Variants in POTEJ observed in about 807,000 individuals in gnomAD.
POTEJ encodes POTE ankyrin domain family member J.
POTEJ carries 11 observed loss-of-function variants against 69.0 expected under a neutral mutation model. The observed-to-expected ratio is 0.16, with a 90% CI of 0.10 to 0.26. The LOEUF (loss-of-function observed/expected upper bound fraction) is 0.26, where lower values mean the gene tolerates loss of function less well. POTEJ is among the 10% of genes least tolerant of loss of function. The probability of loss-of-function intolerance (pLI) is 1.00; values close to 1 mark genes in which losing one functional copy is unlikely to be tolerated. For synonymous variants in POTEJ, 117 were observed against 381.1 expected (o/e 0.31, Z 8.07); for missense variants, 327 against 1,045.5 (o/e 0.31, Z 9.48).
chr2:130,641,263 A>G (rs1686361839), intron 10 of POTEJ, among the ~76,000 whole-genome samples: 1 of 152,280 alleles, frequency 6.6e-6, no homozygotes, highest in African/African-American at 2.4e-5. Flanking sequence ...GTAGTCAGCT[A>G]TAGTTTCCAT....
At chr2:130,630,775 T>C (rs1685868042) in intron 7 of POTEJ, among the ~76,000 whole-genome samples, 2 of 146,056 alleles carry the variant, frequency 1.4e-5, no homozygotes. Context: ...TTATCCACTG[T>C]AATTAGTACA....
At chr2:130,639,317 G>A (rs1686244977) in intron 10 of POTEJ, among the ~76,000 whole-genome samples, 1 of 152,310 alleles carries the variant, frequency 6.6e-6, no homozygotes, top group African/African-American at 2.4e-5. Flanking sequence ...GAACAGTGAA[G>A]CACAGGTCAT....
chr2:130,613,384 GTATATATA>G lies in POTEJ; in HGVS notation c.410+1461_410+1468del, dbSNP rs753097212. ...TATACATATATATGTGTGTGTGTGT[GTATATATA>G]TATATATATATATATATACTTTTTT... On this transcript the variant is annotated intron_variant, in intron 1 of 14. Transcript: ENST00000409602. Among the ~76,000 whole-genome samples, 50 of 83,556 alleles carry G rather than the reference GTATATATA, an allele frequency of 6.0e-4. 5 individuals carry two copies. Among genetic ancestry groups the G allele is most frequent in the African/African-American group, 2.2e-3 (48 of 21,800 alleles). The allele number at this position is 83,556 out of a possible 152,430, so 54.8% of individuals were successfully genotyped here. A position where few individuals can be genotyped will look rare whatever the true frequency, so the allele number is the denominator to read the frequency against.
At chr2:130,640,926 G>A (rs1457801469) in intron 10 of POTEJ, among the ~76,000 whole-genome samples, 9 of 152,086 alleles carry the variant, frequency 5.9e-5, no homozygotes, top group Non-Finnish European at 1.0e-4. Flanking sequence ...AGAAATTTGA[G>A]CAGGGGAGTC....
intron 13 of POTEJ, among the ~76,000 whole-genome samples, chr2:130,647,261 G>A (rs1243698880): frequency 1.3e-5 from 2 of 151,220 alleles, no homozygotes; most frequent in Admixed American, 6.6e-5. Context: ...TATCTGCTGT[G>A]TTGCAAATGG....
intron 7 of POTEJ, among the ~76,000 whole-genome samples, 156 bp from the exon 8 acceptor site, chr2:130,631,253 A>G (rs1260141656): frequency 1.4e-5 from 2 of 143,796 alleles, no homozygotes; most frequent in African/African-American, 5.5e-5. Context: ...ATTATTATTT[A>G]TTTAACAGTT....
intron 13 of POTEJ, among the ~76,000 whole-genome samples, chr2:130,650,359 C>T (rs1464662965): frequency 6.6e-6 from 1 of 152,256 alleles, no homozygotes; most frequent in African/African-American, 2.4e-5. Context: ...AGTTTTTCTC[C>T]TCTAACGTAC....
chr2:130,639,028 T>C (rs1686222392), intron 10 of POTEJ, among the ~76,000 whole-genome samples: 1 of 152,280 alleles, frequency 6.6e-6, no homozygotes, highest in Non-Finnish European at 1.5e-5. Flanking sequence ...ATCCCTCAGA[T>C]GGGCAGTTCA....
chr2:130,637,136 T>C (rs1451995920), intron 9 of POTEJ, among the ~76,000 whole-genome samples: 1 of 150,990 alleles, frequency 6.6e-6, no homozygotes, highest in Non-Finnish European at 1.5e-5. Context: ...GCCTGGTAAT[T>C]GTCTGCATTT....
rs564658802 is a variant in POTEJ, at chr2:130,657,506, G to A, written c.2746G>A (p.Glu916Lys). Residue 916 changes from glutamate (E) to lysine (K), a missense_variant, in exon 15 of 15, where the codon GAG (glutamate) becomes AAG (lysine). Coordinates refer to ENST00000409602, the MANE Select transcript of POTEJ (RefSeq NM_001277083.2). ...PDGQVITISN[E>K]WFRCPEALFQ... ...TGGCCAGGTCATCACCATCAGCAAC[G>A]AGTGGTTCCGCTGCCCCGAGGCGCT... 4.3e-5 allele frequency: 67 copies of A among 1,570,248 alleles called. 4 individuals carry two copies. The South Asian group carries it at 4.5e-4, about 11-fold the overall frequency.
intron 13 of POTEJ, among the ~76,000 whole-genome samples, chr2:130,651,916 T>A (rs575415245): frequency 2.1e-5 from 3 of 143,648 alleles, no homozygotes; most frequent in Non-Finnish European, 3.0e-5. Context: ...TCATAAGTAA[T>A]AAAAATTGCT....
At chr2:130,650,012 A>G (rs1378439188) in intron 13 of POTEJ, among the ~76,000 whole-genome samples, 1 of 152,260 alleles carries the variant, frequency 6.6e-6, no homozygotes, top group African/African-American at 2.4e-5. Flanking sequence ...AAAATGAAAA[A>G]AAAGAGAGAT....
At chr2:130,624,795 T>C (rs1365311957) in intron 6 of POTEJ, among the ~76,000 whole-genome samples, 1 of 152,064 alleles carries the variant, frequency 6.6e-6, no homozygotes, top group Non-Finnish European at 1.5e-5. Context: ...CCCAATAAGG[T>C]CTCACTATTA....
intron 13 of POTEJ, among the ~76,000 whole-genome samples, chr2:130,650,121 G>C (rs1330697101): frequency 6.6e-6 from 1 of 152,286 alleles, no homozygotes; most frequent in Non-Finnish European, 1.5e-5. Context: ...TAACGTAATT[G>C]AGGGAAGTTT....
intron 10 of POTEJ, among the ~76,000 whole-genome samples, chr2:130,639,203 C>T (rs1686235257): frequency 6.6e-6 from 1 of 152,310 alleles, no homozygotes; most frequent in Non-Finnish European, 1.5e-5. Flanking sequence ...TCCTAACAGA[C>T]CGTGGACTGG....
At chr2:130,615,805 T>C (rs1218841713) in intron 1 of POTEJ, among the ~76,000 whole-genome samples, 4 of 145,844 alleles carry the variant, frequency 2.7e-5, no homozygotes, top group Admixed American at 6.7e-5. Flanking sequence ...AAATCCATTT[T>C]AAAACAACAA....
chr2:130,627,149 G>A (rs2105215896), intron 6 of POTEJ, among the ~76,000 whole-genome samples: 1 of 152,052 alleles, frequency 6.6e-6, no homozygotes, highest in East Asian at 1.9e-4. Context: ...GCAAAGAGCA[G>A]CAGGTCAGCA....
At chr2:130,625,108 G>T (rs1359752433) in intron 6 of POTEJ, among the ~76,000 whole-genome samples, 1 of 152,172 alleles carries the variant, frequency 6.6e-6, no homozygotes, top group Non-Finnish European at 1.5e-5. Flanking sequence ...CTTTAATTTA[G>T]CCATCTATTT....
chr2:130,640,646 G>A (rs1438940974), intron 10 of POTEJ, among the ~76,000 whole-genome samples: 33 of 151,790 alleles, frequency 2.2e-4, no homozygotes, highest in South Asian at 4.2e-4. Context: ...TTTTCTTCAC[G>A]TGTGTCTTTT....
Sources: gnomAD v4.1 joint callset for allele counts (sites outside exome capture counted in the v4.1 genomes callset) on GRCh38, gnomAD v4.1.1 for gene constraint, MANE v1.5 for transcripts, NCBI Gene and HGNC (gene_info 2026-07-23, HGNC 2026-07-21) for gene names.